The following ACVR1C variants were observed in gnomAD, a reference collection of about 807,000 sequenced individuals.
The protein encoded by ACVR1C is activin receptor type-1C.
Under a neutral mutation model 57.9 loss-of-function variants are expected in ACVR1C, and 23 were observed. The ratio of observed to expected loss-of-function variants is 0.40; its 90% confidence interval spans 0.29 to 0.56. The LOEUF (loss-of-function observed/expected upper bound fraction) is 0.56. Ranked by LOEUF, ACVR1C falls within the 20% of genes least tolerant of loss-of-function variation. The pLI is 0.50. For synonymous variants in ACVR1C, 214 were observed against 215.3 expected (o/e 0.99, Z 0.05); for missense variants, 480 against 607.9 (o/e 0.79, Z 2.21).
chr2:157,588,818 A>G (rs1688988063), intron 1 of ACVR1C, among the ~76,000 whole-genome samples: 1 of 143,100 alleles, frequency 7.0e-6, no homozygotes, highest in Non-Finnish European at 1.6e-5. Context: ...TATGCCACAC[A>G]TATATACACA....
rs144824691 is a variant in ACVR1C at position 157,558,034 on chromosome 2, TA to T, written c.305-1703del. ...CTGTGGTGTTGATTTTTGTTTTTAA[TA>T]AATCTTAGAGCATATTTGATAGACT... On this transcript the variant is annotated intron_variant, in intron 2 of 8. Transcript: ENST00000243349. Among the ~76,000 whole-genome samples the T allele has an allele frequency of 5.4e-3, 819 of 152,302 alleles. 2 individuals are homozygous for T. The highest frequency in any genetic ancestry group is 0.018 in the African/African-American group (757 of 41,544).
chr2:157,605,979 G>A (rs1018204407), intron 1 of ACVR1C, among the ~76,000 whole-genome samples: 5 of 150,914 alleles, frequency 3.3e-5, no homozygotes, highest in African/African-American at 1.2e-4. Flanking sequence ...CCAGCTTTTG[G>A]TATCTATCAT....
chr2:157,542,977 C>T, intron 5 of ACVR1C, 115 bp from the exon 6 acceptor site: 1 of 1,023,186 alleles, frequency 9.8e-7, no homozygotes, highest in South Asian at 1.6e-5. Context: ...TTCTTCAAAG[C>T]TCTTGTCACT....
intron 1 of ACVR1C, among the ~76,000 whole-genome samples, chr2:157,592,032 T>C (rs192958882): frequency 4.9e-4 from 75 of 152,206 alleles, no homozygotes; most frequent in African/African-American, 1.7e-3. Flanking sequence ...AAGAAGCTGA[T>C]AACTAATTAA....
intron 2 of ACVR1C, among the ~76,000 whole-genome samples, chr2:157,559,456 C>A (rs973307305): frequency 6.6e-6 from 1 of 151,948 alleles, no homozygotes; most frequent in Non-Finnish European, 1.5e-5. Flanking sequence ...AATCAGGGTA[C>A]AAGAAAACAA....
At chr2:157,611,952 C>T (rs1244590760) in intron 1 of ACVR1C, among the ~76,000 whole-genome samples, 2 of 152,148 alleles carry the variant, frequency 1.3e-5, no homozygotes, top group Admixed American at 1.3e-4. Context: ...GACTCCAGGA[C>T]TCATTCTAGA....
At chr2:157,608,381 G>T (rs367949439) in intron 1 of ACVR1C, among the ~76,000 whole-genome samples, 7 of 151,886 alleles carry the variant, frequency 4.6e-5, no homozygotes, top group South Asian at 4.1e-4. Flanking sequence ...GTTAGATTCA[G>T]TTTGTTAGTA....
intron 7 of ACVR1C, among the ~76,000 whole-genome samples, chr2:157,540,734 G>A (rs1687607518): frequency 6.6e-6 from 1 of 152,146 alleles, no homozygotes; most frequent in African/African-American, 2.4e-5. Context: ...TTAAGAAACT[G>A]AACCCTTCAA....
At chr2:157,597,451 A>T in intron 1 of ACVR1C, 2 of 985,334 alleles carry the variant, frequency 2.0e-6, no homozygotes, top group Middle Eastern at 5.2e-4. Flanking sequence ...GCGAAGGGAC[A>T]CCCTGCGGTC....
At chr2:157,551,460 A>C (rs929468681) in intron 3 of ACVR1C, among the ~76,000 whole-genome samples, 73 of 152,378 alleles carry the variant, frequency 4.8e-4, no homozygotes, top group African/African-American at 1.7e-3. Flanking sequence ...CTTTTGCTAT[A>C]ATATTAAATA....
chr2:157,597,633 G>C, intron 1 of ACVR1C: 1 of 937,024 alleles, frequency 1.1e-6, no homozygotes, highest in Non-Finnish European at 1.3e-6. Flanking sequence ...GCAGGAGGCA[G>C]GCTATTTTTT....
At chr2:157,543,150 A>C (rs1401661180) in intron 5 of ACVR1C, among the ~76,000 whole-genome samples, 1 of 152,216 alleles carries the variant, frequency 6.6e-6, no homozygotes. Flanking sequence ...ATAGATGGGG[A>C]AAGAATTAGT....
At chr2:157,628,424 G>T (rs1682952095) in intron 1 of ACVR1C, 148 bp downstream of exon 1, 1 of 924,582 alleles carries the variant, frequency 1.1e-6, no homozygotes, top group Non-Finnish European at 1.7e-6. Flanking sequence ...ACCCTATCCC[G>T]CGCCCCCTCA....
At position 157,570,425 on chromosome 2, in the gene ACVR1C, T is replaced by C. The variant is rs1414618065; in HGVS notation, c.305-14093A>G. ...ATTAGGAAAAGAGGAAGTCAAATTG[T>C]CCCCGTTTGCAGACGACATGATTGT... On this transcript the variant is annotated intron_variant, in intron 2 of 8. Transcript: ENST00000243349. Among the ~76,000 whole-genome samples, 2 of 80,270 alleles carry C rather than the reference T, an allele frequency of 2.5e-5. 1 individual carries two copies. The highest frequency in any genetic ancestry group is 5.0e-5 in the Non-Finnish European group (2 of 39,666). The allele number at this position is 80,270 out of a possible 152,430, so 52.7% of individuals were successfully genotyped here. A position where few individuals can be genotyped will look rare whatever the true frequency, so the allele number is the denominator to read the frequency against.
chr2:157,597,533 T>C, intron 1 of ACVR1C: 2 of 985,368 alleles, frequency 2.0e-6, no homozygotes, highest in Non-Finnish European at 2.4e-6. Context: ...CCCGCGGGGC[T>C]CGGCCACCTG....
At chr2:157,556,471 C>T in intron 2 of ACVR1C, 139 bp from the exon 3 acceptor site, 3 of 1,119,656 alleles carry the variant, frequency 2.7e-6, no homozygotes, top group Non-Finnish European at 3.8e-6. Flanking sequence ...GGTAAAGGCT[C>T]TCTGTGGTAT....
At chr2:157,549,879 T>C (rs1687869995) in intron 4 of ACVR1C, among the ~76,000 whole-genome samples, 1 of 146,092 alleles carries the variant, frequency 6.8e-6, no homozygotes, top group African/African-American at 2.5e-5. Flanking sequence ...GGCGGGCGCC[T>C]GTAGTCCAAG....
chr2:157,548,201 C>T (rs1449201785), intron 4 of ACVR1C, among the ~76,000 whole-genome samples: 4 of 150,766 alleles, frequency 2.7e-5, no homozygotes, highest in African/African-American at 9.8e-5. Flanking sequence ...GAATAAAATA[C>T]CTAGGAATCC....
chr2:157,615,973 G>T (rs1021183910), intron 1 of ACVR1C, among the ~76,000 whole-genome samples: 3 of 152,082 alleles, frequency 2.0e-5, no homozygotes, highest in Non-Finnish European at 4.4e-5. Flanking sequence ...GATGGATATG[G>T]TCTATTGGTG....
Sources: allele counts gnomAD v4.1 joint callset (sites outside exome capture counted in the v4.1 genomes callset), GRCh38; gene constraint gnomAD v4.1.1; transcripts MANE v1.5; gene names NCBI Gene and HGNC (gene_info 2026-07-23, HGNC 2026-07-21).